The following CAMKMT variants were observed in gnomAD, a reference collection of about 807,000 sequenced individuals.
CAMKMT encodes the protein CaM KMT.
CAMKMT carries 53 observed loss-of-function variants against 48.0 expected under a neutral mutation model. The observed-to-expected ratio is 1.10, with a 90% confidence interval of 0.89 to 1.39. The LOEUF is 1.39. Ranked by LOEUF, CAMKMT falls within the 40% of genes most tolerant of loss-of-function variation. The probability of loss-of-function intolerance (pLI) is 0.00; values close to 1 mark genes in which losing one functional copy is unlikely to be tolerated. For synonymous variants in CAMKMT, 165 were observed against 152.3 expected, an observed-to-expected ratio of 1.08 and a Z score of -0.61; for missense variants, 428 against 402.7, an observed-to-expected ratio of 1.06 and a Z score of -0.54.
At chr2:44,595,010 C>T (rs7419527) in intron 3 of CAMKMT, among the ~76,000 whole-genome samples, 97,428 of 151,862 alleles carry the variant, frequency 0.64, 31,710 homozygotes, top group Admixed American at 0.7. Flanking sequence ...GAACGGACGC[C>T]TGTCAAAAGA....
chr2:44,526,850 T>C (rs1012086950), intron 3 of CAMKMT, among the ~76,000 whole-genome samples: 3 of 152,122 alleles, frequency 2.0e-5, no homozygotes, highest in Non-Finnish European at 4.4e-5. Context: ...AGCCCCCAAA[T>C]ATTTTCTTTT....
chr2:44,553,591 C>T (rs973520890), intron 3 of CAMKMT, among the ~76,000 whole-genome samples: 4 of 152,108 alleles, frequency 2.6e-5, no homozygotes, highest in African/African-American at 9.7e-5. Flanking sequence ...GAATTCCTGG[C>T]CTCAAGCCAT....
chr2:44,380,059 C>A (rs891003468), intron 2 of CAMKMT, among the ~76,000 whole-genome samples: 3 of 152,048 alleles, frequency 2.0e-5, no homozygotes, highest in Non-Finnish European at 4.4e-5. Context: ...TTGCTTTTCA[C>A]CTCTAGTTTC....
intron 3 of CAMKMT, among the ~76,000 whole-genome samples, chr2:44,546,202 C>CACACACAT (rs1205658214): frequency 4.3e-5 from 6 of 138,926 alleles, no homozygotes; most frequent in African/African-American, 1.3e-4. Flanking sequence ...CACACACACA[C>CACACACAT]ATACATGCAC....
intron 3 of CAMKMT, among the ~76,000 whole-genome samples, chr2:44,697,615 A>G (rs568534404): frequency 2.4e-4 from 37 of 152,358 alleles, no homozygotes; most frequent in Admixed American, 2.2e-3. Context: ...ATAGTTTACT[A>G]CATAGCTGTT....
intron 3 of CAMKMT, among the ~76,000 whole-genome samples, chr2:44,492,627 C>T (rs898645468): frequency 2.6e-5 from 4 of 152,066 alleles, no homozygotes; most frequent in Admixed American, 6.5e-5. Flanking sequence ...CCAATATCAC[C>T]GATGATGTTG....
intron 3 of CAMKMT, among the ~76,000 whole-genome samples, chr2:44,488,507 A>T (rs561785049): frequency 2.6e-5 from 4 of 151,728 alleles, no homozygotes; most frequent in African/African-American, 7.3e-5. Context: ...TCTGTCTTTT[A>T]AAAAAAATTT....
intron 3 of CAMKMT, among the ~76,000 whole-genome samples, chr2:44,416,110 G>A (rs1463937684): frequency 6.6e-6 from 1 of 152,080 alleles, no homozygotes; most frequent in African/African-American, 2.4e-5. Flanking sequence ...TGGGTTTAGG[G>A]CATTTATTAT....
chr2:44,757,710 C>T (rs1680439077), intron 9 of CAMKMT, among the ~76,000 whole-genome samples: 1 of 151,976 alleles, frequency 6.6e-6, no homozygotes. Flanking sequence ...ATTACAGACA[C>T]GCACCACCAT....
chr2:44,430,526 G>T (rs1427600033), intron 3 of CAMKMT, among the ~76,000 whole-genome samples: 8 of 150,968 alleles, frequency 5.3e-5, no homozygotes, highest in Non-Finnish European at 7.4e-5. Flanking sequence ...TACTTGTTTG[G>T]CTGCTAGGTG....
chr2:44,541,761 ACT>A (rs1382056775), intron 3 of CAMKMT, among the ~76,000 whole-genome samples: 1 of 146,738 alleles, frequency 6.8e-6, no homozygotes, highest in African/African-American at 2.5e-5. Flanking sequence ...GCAGAGTGAA[ACT>A]CTGTCTCAAA....
chr2:44,471,703 T>C (rs1454483679), intron 3 of CAMKMT, among the ~76,000 whole-genome samples: 1 of 152,178 alleles, frequency 6.6e-6, no homozygotes, highest in Non-Finnish European at 1.5e-5. Flanking sequence ...GTCAAATCAC[T>C]CTTCTCTGAT....
chr2:44,606,042 G>A (rs1671261197), intron 3 of CAMKMT, among the ~76,000 whole-genome samples: 1 of 152,090 alleles, frequency 6.6e-6, no homozygotes, highest in South Asian at 2.1e-4. Flanking sequence ...TAATTCCTGA[G>A]TATTGTTCAA....
At chr2:44,440,275 C>G (rs189831252) in intron 3 of CAMKMT, among the ~76,000 whole-genome samples, 3 of 152,102 alleles carry the variant, frequency 2.0e-5, no homozygotes, top group Non-Finnish European at 4.4e-5. Flanking sequence ...GATGTAACCT[C>G]GGGACCTCAG....
chr2:44,560,770 C>T (rs764534470), intron 3 of CAMKMT, among the ~76,000 whole-genome samples: 1 of 152,200 alleles, frequency 6.6e-6, no homozygotes, highest in Admixed American at 6.5e-5. Context: ...CCTGGCAGCT[C>T]CCCCATTCTT....
At chr2:44,583,262 A>G (rs1313386833) in intron 3 of CAMKMT, among the ~76,000 whole-genome samples, 2 of 152,180 alleles carry the variant, frequency 1.3e-5, no homozygotes, top group African/African-American at 4.8e-5. Flanking sequence ...TACAGTAATC[A>G]ATGAGCAAGA....
chr2:44,691,439 G>A (rs944728781), intron 3 of CAMKMT, among the ~76,000 whole-genome samples: 18 of 152,274 alleles, frequency 1.2e-4, no homozygotes, highest in East Asian at 1.2e-3. Context: ...TAATCGTCAC[G>A]TTAATAGTCT....
intron 3 of CAMKMT, among the ~76,000 whole-genome samples, chr2:44,402,327 T>TAA (rs61683632): frequency 0.016 from 1,816 of 116,390 alleles, 37 homozygotes; most frequent in African/African-American, 0.054. Flanking sequence ...AGACTCTGTC[T>TAA]AAAAAAAAAA....
At chr2:44,543,594 C>T (rs55951536) in intron 3 of CAMKMT, among the ~76,000 whole-genome samples, 99,875 of 151,544 alleles carry the variant, frequency 0.66, 33,892 homozygotes, top group South Asian at 0.75. Context: ...CTTTATGTGC[C>T]GGGTAGAGTT....
Sources: gnomAD v4.1 joint callset for allele counts (sites outside exome capture counted in the v4.1 genomes callset) on GRCh38, gnomAD v4.1.1 for gene constraint, MANE v1.5 for transcripts, NCBI Gene and HGNC (gene_info 2026-07-23, HGNC 2026-07-21) for gene names.